ITSN1: variants seen among roughly 807,000 people sequenced by gnomAD.
ITSN1 encodes intersectin-1.
Under a neutral mutation model 239.8 loss-of-function variants are expected in ITSN1, and 58 were observed. The observed-to-expected ratio is 0.24, with a 90% CI of 0.20 to 0.30. The LOEUF is 0.30. ITSN1 is among the 10% of genes least tolerant of loss of function. ITSN1 has a pLI of 1.00. For synonymous variants in ITSN1, 780 were observed against 770.8 expected, an observed-to-expected ratio of 1.01 and a Z score of -0.20; for missense variants, 1,558 against 2,103.3, an observed-to-expected ratio of 0.74 and a Z score of 5.07.
At chr21:33,885,802 C>G (rs928636315) in intron 38 of ITSN1, among the ~76,000 whole-genome samples, 5 of 152,168 alleles carry the variant, frequency 3.3e-5, no homozygotes, top group Non-Finnish European at 4.4e-5. Flanking sequence ...GGCCTAGTTT[C>G]AAAGCCCACT....
intron 24 of ITSN1, 98 bp downstream of exon 24, chr21:33,819,421 T>A: frequency 1.2e-6 from 1 of 803,002 alleles, no homozygotes; most frequent in Non-Finnish European, 2.1e-6. Context: ...AGACTGCATT[T>A]ATGATCAGTA....
At chr21:33,825,058 C>T (rs958778679) in intron 25 of ITSN1, among the ~76,000 whole-genome samples, 4 of 152,174 alleles carry the variant, frequency 2.6e-5, no homozygotes, top group African/African-American at 9.7e-5. Context: ...ATTTCTACTA[C>T]CGTGCATGAA....
At chr21:33,762,220 A>G (rs997551329) in intron 9 of ITSN1, among the ~76,000 whole-genome samples, 10 of 151,956 alleles carry the variant, frequency 6.6e-5, no homozygotes, top group African/African-American at 2.4e-4. Flanking sequence ...CAACTTAACA[A>G]TTCTCAACTC....
chr21:33,679,738 C>G (rs2090825578), intron 1 of ITSN1, among the ~76,000 whole-genome samples: 1 of 115,422 alleles, frequency 8.7e-6, no homozygotes, highest in African/African-American at 3.4e-5. Flanking sequence ...GAGTCTCGCT[C>G]TGTCACACAG....
At chr21:33,782,657 T>C (rs2070293730) in intron 16 of ITSN1, among the ~76,000 whole-genome samples, 3 of 152,190 alleles carry the variant, frequency 2.0e-5, no homozygotes, top group Admixed American at 2.0e-4. Flanking sequence ...TCTGAGGAAA[T>C]GTAAAATGGT....
At chr21:33,779,701 T>C (rs1602188092) in intron 14 of ITSN1, among the ~76,000 whole-genome samples, 1 of 152,400 alleles carries the variant, frequency 6.6e-6, no homozygotes, top group African/African-American at 2.4e-5. Context: ...TATTGTTTCA[T>C]GTACTTTGAA....
chr21:33,676,317 G>A (rs2090589518), intron 1 of ITSN1, among the ~76,000 whole-genome samples: 1 of 152,108 alleles, frequency 6.6e-6, no homozygotes, highest in African/African-American at 2.4e-5. Context: ...TGCTCATGGT[G>A]TCAAATGAGA....
At chr21:33,840,529 A>AATTTTGT (rs2074786669) in intron 29 of ITSN1, among the ~76,000 whole-genome samples, 1 of 151,866 alleles carries the variant, frequency 6.6e-6, no homozygotes, top group Non-Finnish European at 1.5e-5. Flanking sequence ...GTCTGGCTGC[A>AATTTTGT]TTTTGTATTT....
intron 16 of ITSN1, among the ~76,000 whole-genome samples, chr21:33,783,672 C>T (rs570597535): frequency 3.4e-5 from 5 of 146,190 alleles, no homozygotes; most frequent in African/African-American, 1.0e-4. Context: ...CTTTCATTGT[C>T]ACTTGTCTCT....
intron 20 of ITSN1, among the ~76,000 whole-genome samples, chr21:33,803,586 AT>A (rs2072179398): frequency 6.6e-6 from 1 of 152,236 alleles, no homozygotes; most frequent in Non-Finnish European, 1.5e-5. Context: ...CTATATATGT[AT>A]TCATGTGTTT....
intron 16 of ITSN1, among the ~76,000 whole-genome samples, chr21:33,782,337 T>C (rs1233503771): frequency 6.6e-6 from 1 of 152,254 alleles, no homozygotes; most frequent in Non-Finnish European, 1.5e-5. Flanking sequence ...GCATGACATC[T>C]ATTTTTAACC....
At chr21:33,820,966 C>T (rs945507970) in intron 24 of ITSN1, among the ~76,000 whole-genome samples, 1 of 152,180 alleles carries the variant, frequency 6.6e-6, no homozygotes, top group Non-Finnish European at 1.5e-5. Context: ...TATGCCTTAG[C>T]TTCTTTGTCT....
chr21:33,717,463 C>T (rs868496586), intron 1 of ITSN1, among the ~76,000 whole-genome samples: 29 of 152,142 alleles, frequency 1.9e-4, no homozygotes, highest in African/African-American at 6.3e-4. Flanking sequence ...TCTCAAAGTG[C>T]TGGGATTACA....
chr21:33,878,765 G>T (rs759518001), intron 34 of ITSN1, among the ~76,000 whole-genome samples: 2 of 152,160 alleles, frequency 1.3e-5, no homozygotes, highest in Non-Finnish European at 2.9e-5. Context: ...TCATTTATTC[G>T]CTCATCATCA....
chr21:33,785,398 T>C (rs762521975), intron 16 of ITSN1, among the ~76,000 whole-genome samples: 7 of 152,216 alleles, frequency 4.6e-5, no homozygotes, highest in East Asian at 1.9e-4. Flanking sequence ...TTCTGAGTTA[T>C]AAGACAGTGA....
At chr21:33,757,655 C>T (rs1229411344) in intron 8 of ITSN1, among the ~76,000 whole-genome samples, 1 of 152,080 alleles carries the variant, frequency 6.6e-6, no homozygotes, top group Non-Finnish European at 1.5e-5. Flanking sequence ...ACATAAAGGT[C>T]ATTGTCTTGA....
At chr21:33,706,631 T>A (rs1348656136) in intron 1 of ITSN1, among the ~76,000 whole-genome samples, 1 of 152,232 alleles carries the variant, frequency 6.6e-6, no homozygotes, top group Non-Finnish European at 1.5e-5. Flanking sequence ...TTGTCAGCTT[T>A]AGTAAATAAT....
chr21:33,797,595 C>T lies in ITSN1; in HGVS notation c.2169C>T (p.Pro723=), dbSNP rs1569200562. 1 of 1,613,810 alleles carries T rather than the reference C, an allele frequency of 6.2e-7. No homozygotes were observed. Among genetic ancestry groups the T allele is most frequent in the Admixed American group, 1.7e-5 (1 of 60,006 alleles). The part of the protein sequence containing the change: ...QEPAKPAVQA[P]WSTAEKGPLT... Reference sequence around the variant, plus strand: ...CAGCTAAGCCAGCTGTCCAGGCACCCTGGTCCACTGCAGGTATTAGAAGCC... The same window carrying T: ...CAGCTAAGCCAGCTGTCCAGGCACCTTGGTCCACTGCAGGTATTAGAAGCC... The change falls in exon 18 of 40, where the codon CCC becomes CCT. Residue 723 remains proline, a synonymous_variant. Transcript: ENST00000381318. This position sits in a 1 kb window ranked among gnomAD's most constrained non-coding sequence, Gnocchi z 4.9.
At chr21:33,789,376 A>G (rs1190301651) in intron 16 of ITSN1, among the ~76,000 whole-genome samples, 3 of 152,182 alleles carry the variant, frequency 2.0e-5, no homozygotes, top group African/African-American at 7.2e-5. Flanking sequence ...AGATTATTAT[A>G]AATGTTATAT....
Sources: allele counts gnomAD v4.1 joint callset (sites outside exome capture counted in the v4.1 genomes callset), GRCh38; gene constraint gnomAD v4.1.1; non-coding constraint Gnocchi (gnomAD v3.1); transcripts MANE v1.5; gene names NCBI Gene and HGNC (gene_info 2026-07-23, HGNC 2026-07-21).